Variants in SFRP1 observed in about 807,000 individuals in gnomAD.
The protein encoded by SFRP1 is secreted frizzled-related protein 1.
SFRP1 carries 9 observed loss-of-function variants against 25.9 expected under a neutral mutation model. That is an observed-to-expected ratio of 0.35 (90% CI 0.21 to 0.61). SFRP1 has a LOEUF of 0.61. SFRP1 is among the 20% of genes least tolerant of loss of function. The pLI, the probability that SFRP1 is intolerant of heterozygous loss-of-function variation, is 0.78. For missense variants in SFRP1, 346 were observed against 418.2 expected (o/e 0.83, Z 1.51); for synonymous variants, 178 against 174.0 (o/e 1.02, Z -0.18).
At chr8:41,304,127 C>T (rs1309243558) in intron 1 of SFRP1, among the ~76,000 whole-genome samples, 2 of 152,132 alleles carry the variant, frequency 1.3e-5, no homozygotes, top group Non-Finnish European at 2.9e-5. Context: ...CACTAACAGG[C>T]GCTGCCAAAT....
chr8:41,276,228 C>T (rs779570288), intron 2 of SFRP1, among the ~76,000 whole-genome samples: 4 of 152,330 alleles, frequency 2.6e-5, no homozygotes, highest in Admixed American at 2.6e-4. Context: ...TGGTTTCCTG[C>T]CTCCCAGCCC....
chr8:41,265,111 G>GT lies in SFRP1; in HGVS notation c.*55dup. 3 of 590,116 alleles carry GT rather than the reference G, an allele frequency of 5.1e-6. No individual in the cohort carries two copies. The highest frequency in any genetic ancestry group is 6.1e-6 in the Non-Finnish European group (2 of 325,844). 36.6% of individuals were successfully genotyped at this position (590,116 alleles called of 1,614,324 possible). On this transcript the variant is annotated 3_prime_UTR_variant, in exon 3 of 3. Coordinates refer to ENST00000220772, the MANE Select transcript of SFRP1 (RefSeq NM_003012.5). ...TGACCCACCGGGTTCCCGGGGCACT[G>GT]TCCCCCCCGCTCCCACCCCACCCGA...
At chr8:41,284,050 G>GCCATGGCCATGA (rs1165055267) in intron 2 of SFRP1, among the ~76,000 whole-genome samples, 1 of 152,162 alleles carries the variant, frequency 6.6e-6, no homozygotes, top group Non-Finnish European at 1.5e-5. Flanking sequence ...GTTTGCCATG[G>GCCATGGCCATGA]CAAACTTTAA....
At chr8:41,274,767 A>T (rs1261955550) in intron 2 of SFRP1, among the ~76,000 whole-genome samples, 1 of 152,234 alleles carries the variant, frequency 6.6e-6, no homozygotes, top group Non-Finnish European at 1.5e-5. Context: ...TTAACTTTTT[A>T]AACTATATTT....
At chr8:41,287,134 T>G (rs1333284909) in intron 2 of SFRP1, among the ~76,000 whole-genome samples, 1 of 152,224 alleles carries the variant, frequency 6.6e-6, no homozygotes, top group East Asian at 1.9e-4. Flanking sequence ...CACAGGAGTC[T>G]TCCCTTTGCT....
chr8:41,297,338 C>G (rs185204238), intron 2 of SFRP1, among the ~76,000 whole-genome samples: 71 of 152,254 alleles, frequency 4.7e-4, no homozygotes, highest in Admixed American at 1.2e-3. Flanking sequence ...GTCACCGTGC[C>G]CAGCAGCCTA....
chr8:41,285,281 G>GCTGGCACCA (rs1260106300), intron 2 of SFRP1, among the ~76,000 whole-genome samples: 4 of 152,024 alleles, frequency 2.6e-5, no homozygotes, highest in South Asian at 2.1e-4. Context: ...ACCAGAACCA[G>GCTGGCACCA]GACTCCCGAC....
intron 2 of SFRP1, among the ~76,000 whole-genome samples, chr8:41,290,793 A>G (rs540391420): frequency 1.3e-5 from 2 of 151,044 alleles, no homozygotes; most frequent in South Asian, 4.2e-4. Flanking sequence ...CTCCCTGTCC[A>G]AAATGTCTCA....
intron 2 of SFRP1, among the ~76,000 whole-genome samples, chr8:41,287,936 T>C (rs993108042): frequency 6.6e-6 from 1 of 152,052 alleles, no homozygotes; most frequent in Non-Finnish European, 1.5e-5. Context: ...GAATGACAAG[T>C]TAGAGGAGAA....
chr8:41,303,372 A>C, intron 2 of SFRP1, 89 bp downstream of exon 2: 1 of 934,650 alleles, frequency 1.1e-6, no homozygotes, highest in South Asian at 1.4e-5. Flanking sequence ...GAAAGCTGCA[A>C]CGAGATACAT....
At chr8:41,304,743 C>A (rs1210733399) in intron 1 of SFRP1, among the ~76,000 whole-genome samples, 1 of 152,054 alleles carries the variant, frequency 6.6e-6, no homozygotes, top group East Asian at 1.9e-4. Context: ...TGCAGAGCAC[C>A]CCCAGATCAA....
chr8:41,295,774 C>T (rs1585518325), intron 2 of SFRP1, among the ~76,000 whole-genome samples: 1 of 151,202 alleles, frequency 6.6e-6, no homozygotes, highest in African/African-American at 2.4e-5. Context: ...GTCATTAACA[C>T]TCAGCAGAAT....
intron 2 of SFRP1, among the ~76,000 whole-genome samples, chr8:41,276,302 T>C (rs1339520261): frequency 4.6e-5 from 7 of 152,312 alleles, no homozygotes; most frequent in South Asian, 4.1e-4. Flanking sequence ...CCAAGTCCAA[T>C]TGTGCAAATG....
At chr8:41,280,274 G>A (rs1053201421) in intron 2 of SFRP1, among the ~76,000 whole-genome samples, 17 of 152,250 alleles carry the variant, frequency 1.1e-4, no homozygotes, top group Non-Finnish European at 2.2e-4. Context: ...CACCAAACAG[G>A]ATGCAGAGGA....
chr8:41,288,161 C>G (rs1803730760), intron 2 of SFRP1, among the ~76,000 whole-genome samples: 1 of 152,076 alleles, frequency 6.6e-6, no homozygotes, highest in Admixed American at 6.5e-5. Context: ...AGTTCAAGAT[C>G]AGCCTGGACA....
rs190580399 is a variant in SFRP1, at chr8:41,295,013, G to C, written c.622+8448C>G. ...AAACTCCAGCATCTGGAGCTGGCTG[G>C]GACTGTAAGAACAAGCAGTTTATAA... On this transcript the variant is annotated intron_variant, in intron 2 of 2. Transcript: ENST00000220772. 1.9e-3 allele frequency among the ~76,000 whole-genome samples: 288 copies of C among 152,242 alleles called. 1 individual carries two copies. Among genetic ancestry groups the C allele is most frequent in the Non-Finnish European group, 3.0e-3 (203 of 68,008 alleles).
At chr8:41,285,676 C>T (rs1803690937) in intron 2 of SFRP1, among the ~76,000 whole-genome samples, 1 of 152,190 alleles carries the variant, frequency 6.6e-6, no homozygotes, top group Non-Finnish European at 1.5e-5. Flanking sequence ...CCCAGCCCCC[C>T]AACCCTTCCA....
intron 2 of SFRP1, among the ~76,000 whole-genome samples, chr8:41,290,707 A>G (rs1002877648): frequency 4.6e-5 from 7 of 151,936 alleles, no homozygotes; most frequent in Admixed American, 2.6e-4. Context: ...CCCAGACCCA[A>G]CAGGCACCAC....
At chr8:41,277,329 C>A (rs1803583977) in intron 2 of SFRP1, among the ~76,000 whole-genome samples, 1 of 151,958 alleles carries the variant, frequency 6.6e-6, no homozygotes, top group South Asian at 2.1e-4. Context: ...TCCAGGCAAA[C>A]CTGCCAAGGC....
Sources: allele counts gnomAD v4.1 joint callset (sites outside exome capture counted in the v4.1 genomes callset), GRCh38; gene constraint gnomAD v4.1.1; transcripts MANE v1.5; gene names NCBI Gene and HGNC (gene_info 2026-07-23, HGNC 2026-07-21).